Variants in ERCC3 observed in about 807,000 individuals in gnomAD.
ERCC3 encodes the protein ERCC excision repair 3, TFIIH core complex helicase subunit.
Under a neutral mutation model 94.2 loss-of-function variants are expected in ERCC3, and 66 were observed. That is an observed-to-expected ratio of 0.70 (90% CI 0.57 to 0.86). ERCC3 has a LOEUF of 0.86. Among genes scored for constraint, ERCC3 ranks in the 40% least tolerant of loss-of-function variants. ERCC3 has a pLI of 0.00. For synonymous variants in ERCC3, 349 were observed against 369.1 expected (o/e 0.95, Z 0.63); for missense variants, 829 against 987.1 (o/e 0.84, Z 2.15).
At chr2:127,288,471 C>G (rs1033921883) in intron 7 of ERCC3, among the ~76,000 whole-genome samples, 189 bp downstream of exon 7, 8 of 152,212 alleles carry the variant, frequency 5.3e-5, no homozygotes, top group African/African-American at 1.4e-4. Flanking sequence ...CATAATACCC[C>G]CAGTGTCCAG....
intron 3 of ERCC3, 28 bp downstream of exon 3, chr2:127,292,582 G>T: frequency 7.2e-7 from 1 of 1,396,792 alleles, no homozygotes; most frequent in Non-Finnish European, 1.0e-6. Flanking sequence ...CAGGGCAGGT[G>T]GAATTGCTGG....
chr2:127,260,280 C>T (rs2104730479), intron 13 of ERCC3: 1 of 152,532 alleles, frequency 6.6e-6, no homozygotes, highest in Admixed American at 6.5e-5. Context: ...GGCATTGTGC[C>T]TTTTTGTCGA....
intron 12 of ERCC3, among the ~76,000 whole-genome samples, chr2:127,269,128 A>G (rs573870445): frequency 6.6e-6 from 1 of 152,324 alleles, no homozygotes; most frequent in African/African-American, 2.4e-5. Context: ...TTTTCCATTT[A>G]ATATTTTTAG....
chr2:127,259,950 G>A lies in ERCC3; in HGVS notation c.2065-502C>T. 4.6e-6 allele frequency: 1 copy of A among 217,902 alleles called. No individual in the cohort carries two copies. The highest frequency in any genetic ancestry group is 7.5e-5 in the South Asian group (1 of 13,330). 13.5% of individuals were successfully genotyped at this position (217,902 alleles called of 1,614,324 possible). ...GATTATTTATAGAGCTTCTCTGAGA[G>A]AGTAAGAACAGCATGGTGGAGACTG... On this transcript the variant is annotated intron_variant, in intron 13 of 14. Coordinates refer to ENST00000285398, the MANE Select transcript of ERCC3 (RefSeq NM_000122.2). The surrounding 1 kb of genome is among the most constrained non-coding windows in gnomAD (Gnocchi z 4.9).
intron 8 of ERCC3, among the ~76,000 whole-genome samples, chr2:127,283,000 T>C (rs1684963538): frequency 1.3e-5 from 2 of 152,086 alleles, no homozygotes. Context: ...ACCAAACTGC[T>C]ACAGAACAAT....
intron 11 of ERCC3, among the ~76,000 whole-genome samples, chr2:127,272,052 C>G (rs4150494): frequency 2.0e-3 from 205 of 104,566 alleles, no homozygotes; most frequent in Middle Eastern, 0.011. Flanking sequence ...GAGTCTCGCT[C>G]TTGTTGCCTA....
intron 12 of ERCC3, among the ~76,000 whole-genome samples, chr2:127,263,221 A>T (rs920419174): frequency 6.6e-6 from 1 of 152,216 alleles, no homozygotes; most frequent in Non-Finnish European, 1.5e-5. Context: ...TTGATAGAAT[A>T]GTGTTGAATC....
At chr2:127,287,535 G>C (rs1196601603) in intron 7 of ERCC3, among the ~76,000 whole-genome samples, 1 of 152,194 alleles carries the variant, frequency 6.6e-6, no homozygotes, top group Non-Finnish European at 1.5e-5. Context: ...TTGGGAGGCT[G>C]AGGCAGGAGA....
chr2:127,269,056 C>T (rs1684467604), intron 12 of ERCC3, among the ~76,000 whole-genome samples: 1 of 152,222 alleles, frequency 6.6e-6, no homozygotes, highest in South Asian at 2.1e-4. Context: ...CAAGAATTCA[C>T]ATCATGGATG....
In ERCC3 at chr2:127,264,289, C is replaced by A. The variant is rs1296513356; in HGVS notation, c.1946-2943G>T. On this transcript the variant is annotated intron_variant, in intron 12 of 14. Transcript: ENST00000285398. The surrounding 1 kb of genome is among the most constrained non-coding windows in gnomAD (Gnocchi z 4.4). ...GACCAGCACTGCCAACATGGCGAAA[C>A]CCTGTCTCTACTAAAAATACAAAAA... Among the ~76,000 whole-genome samples the A allele has an allele frequency of 2.0e-5, 3 of 152,082 alleles. No individual in the cohort carries two copies. The highest frequency in any genetic ancestry group is 4.4e-5 in the Non-Finnish European group (3 of 68,006).
At chr2:127,266,809 G>A (rs1011595748) in intron 12 of ERCC3, among the ~76,000 whole-genome samples, 28 of 142,176 alleles carry the variant, frequency 2.0e-4, no homozygotes, top group African/African-American at 6.2e-4. Flanking sequence ...TCTGCCTCCC[G>A]GCTTCAAGTC....
Position 127,283,631 on chromosome 2 carries a change from T to C in ERCC3, c.1343-3000A>G, listed in dbSNP as rs4150440. 3.7e-3 allele frequency among the ~76,000 whole-genome samples: 570 copies of C among 152,356 alleles called. 1 individual carries two copies. Among genetic ancestry groups the C allele is most frequent in the African/African-American group, 0.013 (540 of 41,584 alleles). ...GGTCATGTGGTAATTTCATAATAAA[T>C]GGACAAACTGTTTTCCACAGTGACC... On this transcript the variant is annotated intron_variant, in intron 8 of 14. Transcript: ENST00000285398.
In ERCC3 at chr2:127,277,959, C is replaced by A. The variant is rs1684783354; in HGVS notation, c.1730+1214G>T. 6.6e-6 allele frequency among the ~76,000 whole-genome samples: 1 copy of A among 152,116 alleles called. No homozygotes were observed. Among genetic ancestry groups the A allele is most frequent in the Non-Finnish European group, 1.5e-5 (1 of 68,018 alleles). On this transcript the variant is annotated intron_variant, in intron 10 of 14. Transcript: ENST00000285398. The surrounding 1 kb of genome is among the most constrained non-coding windows in gnomAD (Gnocchi z 5.1). ...TATTGCTTAGAAAGATGAAGGCTGG[C>A]CAGGTGTGGTGGCTCATGACTCTAA...
chr2:127,263,869 G>A (rs1345940833), intron 12 of ERCC3, among the ~76,000 whole-genome samples: 10 of 151,898 alleles, frequency 6.6e-5, no homozygotes, highest in Non-Finnish European at 1.0e-4. Context: ...CACCACGCCC[G>A]GCTAATTTTT....
chr2:127,287,410 A>C (rs1417948347), intron 7 of ERCC3, among the ~76,000 whole-genome samples: 1 of 152,098 alleles, frequency 6.6e-6, no homozygotes, highest in Non-Finnish European at 1.5e-5. Context: ...AGGTGGGTAG[A>C]TCACATGAGG....
chr2:127,261,229 T>C lies in ERCC3; in HGVS notation c.2063A>G (p.Lys688Arg). The C allele has an allele frequency of 6.3e-7, 1 of 1,589,280 alleles. No individual in the cohort carries two copies. Among genetic ancestry groups the C allele is most frequent in the East Asian group, 2.2e-5 (1 of 44,778 alleles). The change falls in exon 13 of 15, where the codon AAG becomes AGG. Residue 688 changes from lysine (K) to arginine (R), a missense_variant and splice_region_variant. Lys to Arg is a conservative substitution (Grantham distance 26). Coordinates refer to ENST00000285398, the MANE Select transcript of ERCC3 (RefSeq NM_000122.2). The stretch of plus-strand genomic sequence containing the variant: ...ACCAGAAGCCAAATGGATATGTACC[T>C]TGAAGCTATAACCTTGATCTACCAA... The part of the protein sequence containing the change: ...RFLVDQGYSF[K>R]VITKLAGMEE...
intron 12 of ERCC3, among the ~76,000 whole-genome samples, chr2:127,265,258 A>G (rs1431989341): frequency 6.6e-6 from 1 of 151,934 alleles, no homozygotes; most frequent in Non-Finnish European, 1.5e-5. Context: ...GAATTTATCT[A>G]TTTCCTCTAG....
Position 127,289,617 on chromosome 2 carries a change from T to G in ERCC3, c.657+72A>C. On this transcript the variant is annotated intron_variant, in intron 5 of 14. Transcript: ENST00000285398. The stretch of plus-strand genomic sequence containing the variant: ...GGGCTGCTAGGTTGTAAGTGCTGGG[T>G]TAAAGACACCTGAGAGAACTGAAAT... The G allele has an allele frequency of 5.6e-6, 9 of 1,608,752 alleles. No homozygotes were observed. In the South Asian group the frequency reaches 8.8e-5, roughly 16 times the overall value.
intron 11 of ERCC3, among the ~76,000 whole-genome samples, chr2:127,272,135 C>T (rs1158812631): frequency 6.8e-6 from 1 of 147,292 alleles, no homozygotes; most frequent in African/African-American, 2.5e-5. Flanking sequence ...CTGAACCCTG[C>T]TGCCTCAGCC....
Sources: gnomAD v4.1 joint callset for allele counts (sites outside exome capture counted in the v4.1 genomes callset) on GRCh38, gnomAD v4.1.1 for gene constraint, Gnocchi (gnomAD v3.1) non-coding constraint, MANE v1.5 for transcripts, NCBI Gene and HGNC (gene_info 2026-07-23, HGNC 2026-07-21) for gene names.